Variants in FHDC1 observed in about 807,000 individuals in gnomAD.
FHDC1 encodes FH2 domain-containing protein 1.
FHDC1 carries 25 observed loss-of-function variants against 52.6 expected under a neutral mutation model. The ratio of observed to expected loss-of-function variants is 0.48; its 90% CI spans 0.35 to 0.66. The LOEUF (loss-of-function observed/expected upper bound fraction) is 0.66, where lower values mean the gene tolerates loss of function less well. Ranked by LOEUF, FHDC1 falls within the 30% of genes least tolerant of loss-of-function variation. The pLI is 0.01. For missense variants in FHDC1, 1,459 were observed against 1,452.8 expected (o/e 1.00, Z -0.07); for synonymous variants, 616 against 581.5 (o/e 1.06, Z -0.85).
the FHDC1 span, among the ~76,000 whole-genome samples, chr4:152,930,691 T>G: frequency 6.6e-6 from 1 of 152,300 alleles, no homozygotes; most frequent in East Asian, 1.9e-4. Context: ...TTTTAATTAT[T>G]TCTATAAATC....
At chr4:152,964,758 T>C in intron 8 of FHDC1, 147 bp from the exon 9 acceptor site, 1 of 614,174 alleles carries the variant, frequency 1.6e-6, no homozygotes, top group East Asian at 2.8e-5. Context: ...TTACTAAGAG[T>C]ATCAGAGTTC....
chr4:152,952,329 C>T (rs1318315829), intron 2 of FHDC1, among the ~76,000 whole-genome samples: 1 of 151,902 alleles, frequency 6.6e-6, no homozygotes, highest in African/African-American at 2.4e-5. Flanking sequence ...TCAAATCTCA[C>T]GCGATTCTTG....
chr4:152,974,481 C>G (rs1439756810), intron 11 of FHDC1, among the ~76,000 whole-genome samples, 194 bp from the exon 12 acceptor site: 1 of 150,414 alleles, frequency 6.6e-6, no homozygotes, highest in Admixed American at 6.6e-5. Context: ...CCTCACCCTC[C>G]CTCTACACAC....
intron 10 of FHDC1, among the ~76,000 whole-genome samples, chr4:152,971,920 A>G (rs17029364): frequency 0.21 from 31,296 of 151,776 alleles, 3,619 homozygotes; most frequent in East Asian, 0.36. Flanking sequence ...ACACCCTCTC[A>G]GTGGGGCAAA....
chr4:152,949,112 T>TAAG (rs1301987979), intron 2 of FHDC1, among the ~76,000 whole-genome samples: 312 of 79,914 alleles, frequency 3.9e-3, no homozygotes, highest in South Asian at 7.6e-3. Flanking sequence ...ATAATAATAA[T>TAAG]AATAATAATA....
At chr4:152,931,958 A>C (rs964648742), upstream of FHDC1, among the ~76,000 whole-genome samples, 4 of 150,986 alleles carry the variant, frequency 2.6e-5, no homozygotes, top group African/African-American at 7.3e-5. Context: ...AAAAAAAAAA[A>C]AAAAAACTTC....
chr4:152,927,298 A>G, the FHDC1 span: 7 of 629,852 alleles, frequency 1.1e-5, no homozygotes, highest in South Asian at 1.9e-5. Context: ...CCAAGCACCA[A>G]TAAGAAATTT....
chr4:152,953,594 T>A, intron 3 of FHDC1, 34 bp downstream of exon 3: 2 of 1,556,626 alleles, frequency 1.3e-6, no homozygotes, highest in Non-Finnish European at 8.8e-7. Context: ...ACTTTAGTCA[T>A]ATCCCTGCTG....
rs1005566478 is a variant in FHDC1, at chr4:152,967,117, C to T, written c.1101-863C>T. On this transcript the variant is annotated intron_variant, in intron 9 of 11. Coordinates refer to ENST00000511601, the MANE Select transcript of FHDC1 (RefSeq NM_001371116.1). ...CTTGGGCAACAGAGTGAGACTGTCT[C>T]TTTAAATAATAATAATAATAAAAAT... 1.3e-4 allele frequency among the ~76,000 whole-genome samples: 19 copies of T among 151,892 alleles called. 1 individual carries two copies. Among genetic ancestry groups the T allele is most frequent in the Admixed American group, 1.2e-3 (19 of 15,236 alleles).
At chr4:152,946,546 TA>T (rs1739739799) in intron 2 of FHDC1, among the ~76,000 whole-genome samples, 1 of 152,218 alleles carries the variant, frequency 6.6e-6, no homozygotes, top group Admixed American at 6.5e-5. Flanking sequence ...AGATCAGTAA[TA>T]AATCTTCCAA....
In FHDC1 at chr4:152,958,848, T is replaced by A. The variant is rs1463517593; in HGVS notation, c.664-1717T>A. 3.3e-5 allele frequency among the ~76,000 whole-genome samples: 5 copies of A among 152,194 alleles called. No individual in the cohort carries two copies. The East Asian group carries it at 9.6e-4, about 29-fold the overall frequency. On this transcript the variant is annotated intron_variant, in intron 4 of 11. Transcript: ENST00000511601. ...TTTAATAAGGCTAAAAATGGTCAAT[T>A]CACTTTGAGGCTCTACCAGTAAGGG...
intron 9 of FHDC1, among the ~76,000 whole-genome samples, chr4:152,967,001 T>C (rs1430850741): frequency 6.6e-6 from 1 of 152,102 alleles, no homozygotes; most frequent in Non-Finnish European, 1.5e-5. Context: ...ACACCTGTGA[T>C]CCCAATTACT....
At position 152,943,178 on chromosome 4, in the gene FHDC1, C is replaced by T; in HGVS notation, c.121C>T (p.Pro41Ser). Residue 41 changes from proline to serine, a missense_variant, in exon 2 of 12, where the codon CCC becomes TCC. Physicochemically the swap from Pro to Ser is moderately conservative, Grantham distance 74 (BLOSUM62 -1). Transcript: ENST00000511601. The stretch of plus-strand genomic sequence containing the variant: ...AGCACCTCCTCCACCTCCTCCTCCA[C>T]CCCCTCCATCTCCACCATGTTCATG... ...PPAPPPPPPP[P>S]PPSPPCSCSR... 6.2e-7 allele frequency: 1 copy of T among 1,613,688 alleles called. No individual in the cohort carries two copies. Among genetic ancestry groups the T allele is most frequent in the Non-Finnish European group, 8.5e-7 (1 of 1,179,894 alleles).
chr4:152,957,111 G>A (rs1320613376), intron 4 of FHDC1, among the ~76,000 whole-genome samples: 1 of 152,128 alleles, frequency 6.6e-6, no homozygotes. Flanking sequence ...GAGGAGACAG[G>A]GCCAAATAAG....
intron 1 of FHDC1, 118 bp from the exon 2 acceptor site, chr4:152,942,810 C>A: frequency 2.3e-6 from 1 of 442,596 alleles, no homozygotes; most frequent in Non-Finnish European, 4.0e-6. Context: ...GGATGTGTTG[C>A]CCCTCATTGA....
chr4:152,936,580 CG>C (rs1029927074), intron 1 of FHDC1, among the ~76,000 whole-genome samples, 171 bp downstream of exon 1: 45 of 152,334 alleles, frequency 3.0e-4, no homozygotes, highest in African/African-American at 1.0e-3. Context: ...CGAGCCTCAC[CG>C]GGAAAGCTGG....
chr4:152,939,342 G>A (rs1739511083), intron 1 of FHDC1, among the ~76,000 whole-genome samples: 1 of 152,028 alleles, frequency 6.6e-6, no homozygotes, highest in Non-Finnish European at 1.5e-5. Context: ...CACCATGTTG[G>A]ACAGGATAGT....
Position 152,960,827 on chromosome 4 carries a change from T to C in FHDC1, c.833T>C (p.Leu278Ser). The C allele has an allele frequency of 6.3e-7, 1 of 1,597,018 alleles. No individual in the cohort carries two copies. The highest frequency in any genetic ancestry group is 8.5e-7 in the Non-Finnish European group (1 of 1,174,302). The change falls in exon 6 of 12, where the codon TTA becomes TCA. Residue 278 changes from leucine (L) to serine (S), a missense_variant. Physicochemically the swap from Leu to Ser is moderately radical, Grantham distance 145. Transcript: ENST00000511601. ...CSSLYTDITV[L>S]RTAIKELMSC... ...TCTCTATATACAGATATAACAGTTTTAAGAACTGCTATAAAAGGTGAGTCA... is the reference window on the plus strand; with the variant it reads ...TCTCTATATACAGATATAACAGTTTCAAGAACTGCTATAAAAGGTGAGTCA...
the FHDC1 span, among the ~76,000 whole-genome samples, chr4:152,914,622 C>T: frequency 1.3e-5 from 2 of 152,146 alleles, no homozygotes; most frequent in African/African-American, 4.8e-5. Flanking sequence ...TAAACTCTGT[C>T]AAAGATTGCA....
Sources: gnomAD v4.1 joint callset for allele counts (sites outside exome capture counted in the v4.1 genomes callset) on GRCh38, gnomAD v4.1.1 for gene constraint, MANE v1.5 for transcripts, NCBI Gene and HGNC (gene_info 2026-07-23, HGNC 2026-07-21) for gene names.